The following THSD7A variants were observed in gnomAD, a reference collection of about 807,000 sequenced individuals.
THSD7A encodes the protein thrombospondin type-1 domain-containing protein 7A.
Under a neutral mutation model 231.3 loss-of-function variants are expected in THSD7A, and 96 were observed. That is an observed-to-expected ratio of 0.41 (90% CI 0.35 to 0.49). The LOEUF is 0.49. Among genes scored for constraint, THSD7A ranks in the 20% least tolerant of loss-of-function variants. The probability of loss-of-function intolerance (pLI) is 0.05; values close to 1 mark genes in which losing one functional copy is unlikely to be tolerated. For missense variants in THSD7A, 2,290 were observed against 2,070.2 expected (o/e 1.11, Z -2.06); for synonymous variants, 940 against 743.3 (o/e 1.26, Z -4.30).
chr7:11,574,677 C>T (rs1034767480), intron 4 of THSD7A, among the ~76,000 whole-genome samples: 5 of 151,572 alleles, frequency 3.3e-5, no homozygotes, highest in African/African-American at 4.9e-5. Flanking sequence ...ACCTCGTGAT[C>T]CGCCCACCTC....
At chr7:11,495,373 A>G (rs1468001177) in intron 6 of THSD7A, among the ~76,000 whole-genome samples, 2 of 152,042 alleles carry the variant, frequency 1.3e-5, no homozygotes, top group Non-Finnish European at 2.9e-5. Flanking sequence ...TGTTAAAAAT[A>G]TGATGGATAA....
chr7:11,616,212 T>C (rs1366710727), intron 2 of THSD7A, among the ~76,000 whole-genome samples: 2 of 152,326 alleles, frequency 1.3e-5, no homozygotes, highest in East Asian at 3.9e-4. Flanking sequence ...AATGTCTCTG[T>C]GATATTTGAC....
chr7:11,576,827 AG>A (rs1332958696), intron 4 of THSD7A, among the ~76,000 whole-genome samples: 1 of 152,158 alleles, frequency 6.6e-6, no homozygotes, highest in African/African-American at 2.4e-5. Context: ...GTAGATTTCT[AG>A]GCCATTTTTG....
intron 13 of THSD7A, among the ~76,000 whole-genome samples, chr7:11,445,753 A>T (rs1211417368): frequency 6.6e-6 from 1 of 151,912 alleles, no homozygotes; most frequent in Non-Finnish European, 1.5e-5. Context: ...GGGTGTGTTT[A>T]ATGTACAGGC....
intron 1 of THSD7A, among the ~76,000 whole-genome samples, chr7:11,720,459 C>T (rs1055196772): frequency 6.6e-6 from 1 of 151,738 alleles, no homozygotes; most frequent in African/African-American, 2.4e-5. Flanking sequence ...TGCTTAATCT[C>T]TTTCTACTGG....
intron 4 of THSD7A, among the ~76,000 whole-genome samples, chr7:11,551,957 C>T (rs1319826619): frequency 6.6e-6 from 1 of 152,032 alleles, no homozygotes; most frequent in Non-Finnish European, 1.5e-5. Context: ...TGCCCATCAA[C>T]AGTGAACTGG....
chr7:11,704,511 G>C (rs10266100), intron 1 of THSD7A, among the ~76,000 whole-genome samples: 2 of 150,768 alleles, frequency 1.3e-5, no homozygotes, highest in Non-Finnish European at 3.0e-5. Context: ...AGGAGAAGAA[G>C]CAGGAAAGAG....
chr7:11,801,774 CTAA>C (rs1274911444), intron 1 of THSD7A, among the ~76,000 whole-genome samples: 1 of 152,108 alleles, frequency 6.6e-6, no homozygotes, highest in Non-Finnish European at 1.5e-5. Flanking sequence ...TCATGTTTTT[CTAA>C]TTTGTTGAAG....
Position 11,770,295 on chromosome 7 carries a change from G to C in THSD7A, c.190+61462C>G, listed in dbSNP as rs140781314. 1.2e-3 allele frequency among the ~76,000 whole-genome samples: 181 copies of C among 152,030 alleles called. 4 individuals are homozygous for C. The East Asian group carries it at 0.03, about 25-fold the overall frequency. ...ACTCAGAAGCCAAACCAAATATTTA[G>C]TTTGCTAATAGAAAATAATAAAATT... is the stretch of plus-strand genomic sequence containing the variant. On this transcript the variant is annotated intron_variant, in intron 1 of 27. Transcript: ENST00000423059.
rs141509816 is a variant in THSD7A, at chr7:11,719,466, T to C, written c.191-82505A>G. On this transcript the variant is annotated intron_variant, in intron 1 of 27. Coordinates refer to ENST00000423059, the MANE Select transcript of THSD7A (RefSeq NM_015204.3). Reference sequence around the variant, plus strand: ...GTTTGTGATCATTTTTTCAATTTCATAATTATACTCACTCTCATTAATTGA... The same window carrying C: ...GTTTGTGATCATTTTTTCAATTTCACAATTATACTCACTCTCATTAATTGA... 9.2e-5 allele frequency among the ~76,000 whole-genome samples: 14 copies of C among 151,830 alleles called. No individual in the cohort carries two copies. In the East Asian group the frequency reaches 2.7e-3, roughly 30 times the overall value.
rs574438318 is a variant in THSD7A at position 11,519,308 on chromosome 7, C to T, written c.1822+22111G>A. Among the ~76,000 whole-genome samples the T allele has an allele frequency of 3.9e-5, 6 of 152,282 alleles. No individual in the cohort carries two copies. In the East Asian group the frequency reaches 9.7e-4, roughly 25 times the overall value. ...CCCCTTCTCTTCTTCCTACAGGCAA[C>T]CACTATTTTGACTTTTAACTCAGTT... is the stretch of plus-strand genomic sequence containing the variant. On this transcript the variant is annotated intron_variant, in intron 6 of 27. Coordinates refer to ENST00000423059, the MANE Select transcript of THSD7A (RefSeq NM_015204.3).
chr7:11,393,000 G>A (rs576128173), intron 23 of THSD7A, among the ~76,000 whole-genome samples: 1 of 152,336 alleles, frequency 6.6e-6, no homozygotes, highest in African/African-American at 2.4e-5. Flanking sequence ...TGGCTCTGAA[G>A]AGAGCAGTAG....
At chr7:11,781,644 T>C (rs1043866656) in intron 1 of THSD7A, among the ~76,000 whole-genome samples, 12 of 152,196 alleles carry the variant, frequency 7.9e-5, no homozygotes, top group African/African-American at 2.9e-4. Flanking sequence ...ATTAGAAAGA[T>C]CTGCCAAGTC....
Position 11,832,025 on chromosome 7 carries a change from C to T in THSD7A, c.-79G>A, listed in dbSNP as rs1785213617. 1.0e-6 allele frequency: 1 copy of T among 976,786 alleles called. No individual in the cohort carries two copies. Among genetic ancestry groups the T allele is most frequent in the African/African-American group, 1.7e-5 (1 of 58,706 alleles). 60.5% of individuals were successfully genotyped at this position (976,786 alleles called of 1,614,324 possible). ...TTTCTCCGCTCTTGGAACGTCTTTT[C>T]AAAGAGTACAGAAAGCAAAGCTCTT... On this transcript the variant is annotated 5_prime_UTR_variant, in exon 1 of 28. Transcript: ENST00000423059.
chr7:11,408,646 A>AATT (rs1047810526), intron 19 of THSD7A, among the ~76,000 whole-genome samples: 56 of 152,332 alleles, frequency 3.7e-4, no homozygotes, highest in African/African-American at 1.2e-3. Flanking sequence ...TATATTTTCT[A>AATT]ATTTATACAG....
At chr7:11,569,223 TAATC>T (rs762865019) in intron 4 of THSD7A, among the ~76,000 whole-genome samples, 12 of 152,054 alleles carry the variant, frequency 7.9e-5, no homozygotes, top group Admixed American at 3.9e-4. Context: ...GTAAGGGAAA[TAATC>T]AACAGAGTGA....
chr7:11,529,046 G>A (rs1026500657), intron 6 of THSD7A, among the ~76,000 whole-genome samples: 8 of 152,024 alleles, frequency 5.3e-5, no homozygotes, highest in African/African-American at 1.4e-4. Flanking sequence ...AGAAAAGTAC[G>A]ATTCTAGTGA....
Position 11,464,601 on chromosome 7 carries a change from C to CA in THSD7A, c.2369-2459dup, listed in dbSNP as rs1785627831. ...CCTAATGCCTTCTCATCACAAACTC[C>CA]ACAAATTAGTACTAGATATATAAGA... On this transcript the variant is annotated intron_variant, in intron 9 of 27. Transcript: ENST00000423059. 3.3e-5 allele frequency among the ~76,000 whole-genome samples: 5 copies of CA among 152,218 alleles called. No homozygotes were observed. The South Asian group carries it at 1.0e-3, about 32-fold the overall frequency.
intron 1 of THSD7A, among the ~76,000 whole-genome samples, chr7:11,703,535 T>C (rs1780671143): frequency 6.6e-6 from 1 of 151,236 alleles, no homozygotes; most frequent in African/African-American, 2.4e-5. Context: ...TATTTGTCTT[T>C]ATCTTAAGAT....
Sources: gnomAD v4.1 joint callset for allele counts (sites outside exome capture counted in the v4.1 genomes callset) on GRCh38, gnomAD v4.1.1 for gene constraint, MANE v1.5 for transcripts, NCBI Gene and HGNC (gene_info 2026-07-23, HGNC 2026-07-21) for gene names.